Variants in POLB observed in about 807,000 individuals in gnomAD.
POLB encodes 5'-dRP lyase.
POLB carries 37 observed loss-of-function variants against 52.7 expected under a neutral mutation model. The ratio of observed to expected loss-of-function variants is 0.70; its 90% CI spans 0.54 to 0.92. The LOEUF is 0.92. POLB is among the 40% of genes least tolerant of loss of function. POLB has a pLI of 0.00. For synonymous variants in POLB, 138 were observed against 131.3 expected (o/e 1.05, Z -0.35); for missense variants, 313 against 400.8 (o/e 0.78, Z 1.87).
At chr8:42,359,430 C>T (rs777754463) in intron 9 of POLB, among the ~76,000 whole-genome samples, 3 of 151,916 alleles carry the variant, frequency 2.0e-5, no homozygotes, top group Non-Finnish European at 4.4e-5. Context: ...TCTCGGCTCA[C>T]TGCAACCTCC....
chr8:42,338,619 G>T lies in POLB; in HGVS notation c.-6G>T. 1 of 1,613,922 alleles carries T rather than the reference G, an allele frequency of 6.2e-7. No homozygotes were observed. The highest frequency in any genetic ancestry group is 8.5e-7 in the Non-Finnish European group (1 of 1,179,776). ...AACACTCTGGGGTTCTCGGGTGCAG[G>T]CCGCCATGAGCAAACGGAAGGCGCC... On this transcript the variant is annotated 5_prime_UTR_variant, in exon 1 of 14. Coordinates refer to ENST00000265421, the MANE Select transcript of POLB (RefSeq NM_002690.3).
intron 6 of POLB, chr8:42,354,380 T>G (rs1563398503): frequency 1.1e-6 from 1 of 945,248 alleles, no homozygotes. Context: ...TAGGAATTGC[T>G]TTTGAAGCAT....
At chr8:42,348,019 G>A (rs951440240) in intron 3 of POLB, among the ~76,000 whole-genome samples, 1 of 152,052 alleles carries the variant, frequency 6.6e-6, no homozygotes, top group Admixed American at 6.6e-5. Flanking sequence ...ACACTATATA[G>A]TGCCCATCAA....
intron 6 of POLB, 113 bp downstream of exon 6, chr8:42,352,681 A>G (rs1585888589): frequency 4.2e-6 from 3 of 721,308 alleles, no homozygotes; most frequent in Non-Finnish European, 7.5e-6. Context: ...GATACAAAAG[A>G]TAAGATTTTC....
At chr8:42,342,602 G>A (rs1822275752) in intron 2 of POLB, 1 of 689,862 alleles carries the variant, frequency 1.4e-6, no homozygotes, top group South Asian at 1.6e-5. Flanking sequence ...TCTTAAAGTA[G>A]GCCTTATTCT....
intron 11 of POLB, among the ~76,000 whole-genome samples, chr8:42,368,587 A>G (rs1824184854): frequency 6.6e-6 from 1 of 152,150 alleles, no homozygotes; most frequent in African/African-American, 2.4e-5. Context: ...TCCATTTTTC[A>G]GGAAAGGGAA....
At chr8:42,370,271 T>G (rs202121458) in intron 13 of POLB, 11,454 of 448,008 alleles carry the variant, frequency 0.026, 112 homozygotes, top group East Asian at 0.072. Flanking sequence ...TTTTTTTTTT[T>G]TTTTTTTTTT....
chr8:42,343,049 G>A (rs3136730), intron 2 of POLB, among the ~76,000 whole-genome samples: 2 of 151,814 alleles, frequency 1.3e-5, no homozygotes, highest in African/African-American at 2.4e-5. Flanking sequence ...TTGGCTGGGC[G>A]CAGTGGCTAA....
At chr8:42,343,081 G>T (rs1382703520) in intron 2 of POLB, among the ~76,000 whole-genome samples, 1 of 151,770 alleles carries the variant, frequency 6.6e-6, no homozygotes, top group Non-Finnish European at 1.5e-5. Flanking sequence ...CCAGCACTTT[G>T]GGAGGCCAAG....
Position 42,362,619 on chromosome 8 carries a change from T to A in POLB, c.629T>A (p.Leu210Gln). 1 of 1,601,082 alleles carries A rather than the reference T, an allele frequency of 6.2e-7. No individual in the cohort carries two copies. Among genetic ancestry groups the A allele is most frequent in the Non-Finnish European group, 8.6e-7 (1 of 1,168,476 alleles). ...FTSESTKQPK[L>Q]LHQVVEQLQK... ...CTAATTATGATTCTACAGCCAAAAC[T>A]GTTACATCAGGTTGTGGAGCAGTTA... Residue 210 changes from leucine (L) to glutamine (Q), a missense_variant, in exon 11 of 14, where the codon CTG (leucine) becomes CAG (glutamine). By Grantham distance (113) the Leu-to-Gln change is moderately radical. Coordinates refer to ENST00000265421, the MANE Select transcript of POLB (RefSeq NM_002690.3).
rs186644393 is a variant in POLB, at chr8:42,360,706, A to G, written c.551-589A>G. On this transcript the variant is annotated intron_variant, in intron 9 of 13. Coordinates refer to ENST00000265421, the MANE Select transcript of POLB (RefSeq NM_002690.3). The stretch of plus-strand genomic sequence containing the variant: ...CTATGTGGTTGTAGAGTATAGACCT[A>G]TTAATTGAGTTCAACCATAAGAATT... 3.9e-5 allele frequency among the ~76,000 whole-genome samples: 6 copies of G among 152,158 alleles called. No individual in the cohort carries two copies. The East Asian group carries it at 1.2e-3, about 29-fold the overall frequency.
intron 10 of POLB, 32 bp from the exon 11 acceptor site, chr8:42,362,580 C>T: frequency 7.6e-7 from 1 of 1,310,374 alleles, no homozygotes; most frequent in South Asian, 1.2e-5. Context: ...AGTAATTACT[C>T]TTTTTCTTAT....
intron 11 of POLB, among the ~76,000 whole-genome samples, chr8:42,366,434 A>C (rs1037663735): frequency 2.0e-5 from 3 of 152,244 alleles, no homozygotes; most frequent in Non-Finnish European, 2.9e-5. Context: ...TTCAGGTGAC[A>C]ATAAGAACAA....
rs1822867499 is a variant in POLB at position 42,349,931 on chromosome 8, T to C, written c.262-76T>C. On this transcript the variant is annotated intron_variant, in intron 4 of 13. Transcript: ENST00000265421. ...TAGCTCTTCATGTCTTTTAGCAGAC[T>C]GGTATGTTTCCAATAAGATCATTTA... is the stretch of plus-strand genomic sequence containing the variant. The C allele has an allele frequency of 6.1e-6, 6 of 978,424 alleles. No homozygotes were observed. The East Asian group carries it at 1.4e-4, about 23-fold the overall frequency. The allele number at this position is 978,424 out of a possible 1,614,324, so 60.6% of individuals were successfully genotyped here. A position where few individuals can be genotyped will look rare whatever the true frequency, so the allele number is the denominator to read the frequency against.
intron 1 of POLB, 82 bp from the exon 2 acceptor site, chr8:42,338,930 G>C (rs566238018): frequency 3.6e-5 from 44 of 1,222,512 alleles, no homozygotes; most frequent in Admixed American, 2.6e-4. Context: ...TCTCTTAGAG[G>C]CTGCCATATC....
chr8:42,343,339 A>ATATATATATATATATATATAT (rs1822347326), intron 2 of POLB, among the ~76,000 whole-genome samples: 1 of 43,928 alleles, frequency 2.3e-5, no homozygotes, highest in Non-Finnish European at 8.3e-5. Context: ...AAAAAAAAAA[A>ATATATATATATATATATATAT]AAAAAAATAT....
chr8:42,350,712 G>A (rs1242787406), intron 5 of POLB, among the ~76,000 whole-genome samples: 1 of 152,096 alleles, frequency 6.6e-6, no homozygotes, highest in African/African-American at 2.4e-5. Flanking sequence ...ATGGCATGGG[G>A]CATTCCTTTA....
chr8:42,352,457 C>A, intron 5 of POLB, 62 bp from the exon 6 acceptor site: 1 of 1,017,986 alleles, frequency 9.8e-7, no homozygotes, highest in Non-Finnish European at 1.6e-6. Flanking sequence ...ACTATTAAGA[C>A]ATGGTTGTTA....
chr8:42,357,118 G>A (rs1027149861), intron 7 of POLB, 51 bp from the exon 8 acceptor site: 1 of 933,472 alleles, frequency 1.1e-6, no homozygotes. Flanking sequence ...TAATTTTTAA[G>A]GAGATTTAAA....
Sources: gnomAD v4.1 joint callset for allele counts (sites outside exome capture counted in the v4.1 genomes callset) on GRCh38, gnomAD v4.1.1 for gene constraint, MANE v1.5 for transcripts, NCBI Gene and HGNC (gene_info 2026-07-23, HGNC 2026-07-21) for gene names.